Variants in PARVA observed in about 807,000 individuals in gnomAD.
The protein encoded by PARVA is parvin alpha, also known as alpha-parvin.
Under a neutral mutation model 52.6 loss-of-function variants are expected in PARVA, and 25 were observed. The observed-to-expected ratio is 0.48, with a 90% CI of 0.35 to 0.66. The LOEUF (loss-of-function observed/expected upper bound fraction) is 0.66. PARVA is among the 30% of genes least tolerant of loss of function. The pLI, the probability that PARVA is intolerant of heterozygous loss-of-function variation, is 0.01. For synonymous variants in PARVA, 185 were observed against 179.1 expected (o/e 1.03, Z -0.26); for missense variants, 373 against 450.9 (o/e 0.83, Z 1.56).
intron 1 of PARVA, among the ~76,000 whole-genome samples, chr11:12,380,630 G>A (rs1798017650): frequency 6.6e-6 from 1 of 150,686 alleles, no homozygotes; most frequent in South Asian, 2.1e-4. Context: ...TGGGGACGGT[G>A]GAAATGGAGA....
chr11:12,434,676 G>T (rs1940363514), intron 1 of PARVA, among the ~76,000 whole-genome samples: 1 of 152,098 alleles, frequency 6.6e-6, no homozygotes, highest in Non-Finnish European at 1.5e-5. Flanking sequence ...TCAGCCTCTA[G>T]CTTCTGGGCC....
intron 1 of PARVA, among the ~76,000 whole-genome samples, chr11:12,463,260 C>T (rs1940809120): frequency 6.6e-6 from 1 of 151,928 alleles, no homozygotes; most frequent in African/African-American, 2.4e-5. Flanking sequence ...TGTCTAAAGC[C>T]ATAGTTTATT....
intron 5 of PARVA, among the ~76,000 whole-genome samples, chr11:12,501,119 A>C (rs1941358212): frequency 6.6e-6 from 1 of 151,464 alleles, no homozygotes; most frequent in Admixed American, 6.6e-5. Flanking sequence ...AAAAAAAAAA[A>C]CAATCTTTCC....
chr11:12,393,721 T>C (rs1383230053), intron 1 of PARVA, among the ~76,000 whole-genome samples: 5 of 152,082 alleles, frequency 3.3e-5, no homozygotes, highest in Non-Finnish European at 7.4e-5. Flanking sequence ...GCAAGAGAAA[T>C]ATAATTTTGT....
chr11:12,402,370 T>C (rs1326291716), intron 1 of PARVA, among the ~76,000 whole-genome samples: 2 of 152,314 alleles, frequency 1.3e-5, no homozygotes, highest in East Asian at 3.9e-4. Context: ...ACGTCATCCA[T>C]TGGCCAAACT....
upstream of PARVA, chr11:12,377,236 C>T (rs953821034): frequency 3.8e-5 from 14 of 368,942 alleles, no homozygotes; most frequent in Middle Eastern, 7.1e-4. Context: ...GGCTGGAAGA[C>T]CCCGGGAGAG....
intron 1 of PARVA, among the ~76,000 whole-genome samples, chr11:12,449,297 ACAGGTGTGCACCAC>A: frequency 6.6e-6 from 1 of 151,922 alleles, no homozygotes; most frequent in Non-Finnish European, 1.5e-5. Flanking sequence ...AGCTGGGATT[ACAGGTGTGCACCAC>A]CATGCCTGGC....
intron 1 of PARVA, among the ~76,000 whole-genome samples, chr11:12,402,821 C>G (rs1939848404): frequency 6.6e-6 from 1 of 152,202 alleles, no homozygotes; most frequent in South Asian, 2.1e-4. Context: ...GGGTCTGGCC[C>G]TCTGTCAGAA....
At chr11:12,401,520 C>T (rs1013704755) in intron 1 of PARVA, among the ~76,000 whole-genome samples, 4 of 152,198 alleles carry the variant, frequency 2.6e-5, no homozygotes, top group Non-Finnish European at 5.9e-5. Context: ...GACAATGGAG[C>T]ATGCTGGTGC....
chr11:12,439,223 G>T lies in PARVA; in HGVS notation c.137-34522G>T, dbSNP rs373111934. ...CTTTTGATTGGATGCATCTCACTAG[G>T]AATATGAGGGTGAATGGGGAAGGGG... On this transcript the variant is annotated intron_variant, in intron 1 of 12. Coordinates refer to ENST00000334956, the MANE Select transcript of PARVA (RefSeq NM_018222.5). Among the ~76,000 whole-genome samples the T allele has an allele frequency of 2.0e-5, 3 of 152,220 alleles. No individual in the cohort carries two copies. The South Asian group carries it at 6.2e-4, about 32-fold the overall frequency.
At chr11:12,527,595 G>A (rs952854331) in intron 12 of PARVA, among the ~76,000 whole-genome samples, 1 of 152,130 alleles carries the variant, frequency 6.6e-6, no homozygotes, top group Non-Finnish European at 1.5e-5. Context: ...GAGGTTGGAG[G>A]CAGTGGGCAA....
intron 1 of PARVA, among the ~76,000 whole-genome samples, chr11:12,410,879 C>G (rs1305360737): frequency 6.6e-6 from 1 of 152,240 alleles, no homozygotes; most frequent in African/African-American, 2.4e-5. Flanking sequence ...TGGCATCAGA[C>G]AGACCTGGGT....
Position 12,454,576 on chromosome 11 carries a change from TA to T in PARVA, c.137-19155del, listed in dbSNP as rs55992909. ...CGCAATCCAGTTCTAAAGTATCATTTAAAAAAAAAAAAAAGAAGAAGAACTT... is the reference window on the plus strand; with the variant it reads ...CGCAATCCAGTTCTAAAGTATCATTTAAAAAAAAAAAAAGAAGAAGAACTT... On this transcript the variant is annotated intron_variant, in intron 1 of 12. Coordinates refer to ENST00000334956, the MANE Select transcript of PARVA (RefSeq NM_018222.5). Among the ~76,000 whole-genome samples, 647 of 142,540 alleles carry T rather than the reference TA, an allele frequency of 4.5e-3. 4 individuals carry two copies. The highest frequency in any genetic ancestry group is 0.025 in the Admixed American group (355 of 14,278). 93.5% of individuals were successfully genotyped at this position (142,540 alleles called of 152,430 possible).
At chr11:12,490,300 G>A (rs1420680967) in intron 4 of PARVA, among the ~76,000 whole-genome samples, 2 of 151,242 alleles carry the variant, frequency 1.3e-5, no homozygotes, top group African/African-American at 4.9e-5. Flanking sequence ...GAGGCGAATG[G>A]ATCACCTGAG....
chr11:12,393,293 CATATTA>C (rs1555030006), intron 1 of PARVA, among the ~76,000 whole-genome samples: 2 of 152,114 alleles, frequency 1.3e-5, no homozygotes, highest in African/African-American at 2.4e-5. Flanking sequence ...TCACAAAATA[CATATTA>C]ATATTAGCAT....
At chr11:12,497,434 C>CAA (rs200678676) in intron 5 of PARVA, among the ~76,000 whole-genome samples, 2 of 151,048 alleles carry the variant, frequency 1.3e-5, no homozygotes, top group African/African-American at 2.4e-5. Context: ...CAGCCCCCTA[C>CAA]AAAAAAAAAT....
At chr11:12,454,025 A>G (rs1427682839) in intron 1 of PARVA, among the ~76,000 whole-genome samples, 15 of 152,200 alleles carry the variant, frequency 9.9e-5, no homozygotes, top group Non-Finnish European at 1.5e-5. Context: ...CCTTCCAGGA[A>G]GGCATTTGTA....
rs1941749263 is a variant in PARVA at position 12,529,803 on chromosome 11, T to G, written c.*1878T>G. On this transcript the variant is annotated 3_prime_UTR_variant, in exon 13 of 13. Coordinates refer to ENST00000334956, the MANE Select transcript of PARVA (RefSeq NM_018222.5). ...CACTCAGCATAATGAGCATTTAACA[T>G]ACAAAGGCAATGTACTGTTTTGTGT... 6.6e-6 allele frequency: 1 copy of G among 152,224 alleles called. No homozygotes were observed. Among genetic ancestry groups the G allele is most frequent in the Non-Finnish European group, 1.5e-5 (1 of 68,034 alleles). 9.4% of individuals were successfully genotyped at this position (152,224 alleles called of 1,614,324 possible).
intron 1 of PARVA, among the ~76,000 whole-genome samples, chr11:12,434,178 A>G (rs1940355437): frequency 6.6e-6 from 1 of 151,932 alleles, no homozygotes; most frequent in Admixed American, 6.6e-5. Context: ...ATATCATACC[A>G]CGTAAGCAGT....
Sources: allele counts gnomAD v4.1 joint callset (sites outside exome capture counted in the v4.1 genomes callset), GRCh38; gene constraint gnomAD v4.1.1; transcripts MANE v1.5; gene names NCBI Gene and HGNC (gene_info 2026-07-23, HGNC 2026-07-21).